BACH2: variants seen among roughly 807,000 people sequenced by gnomAD.
BACH2 encodes transcription regulator protein BACH2.
In BACH2, 5 loss-of-function variants were observed where a neutral mutation model predicts 61.8. The ratio of observed to expected loss-of-function variants is 0.08; its 90% CI spans 0.04 to 0.17. The LOEUF (loss-of-function observed/expected upper bound fraction) is 0.17, where lower values mean the gene tolerates loss of function less well. BACH2 is among the 10% of genes least tolerant of loss of function. The pLI, the probability that BACH2 is intolerant of heterozygous loss-of-function variation, is 1.00. For missense variants in BACH2, 824 were observed against 1,091.1 expected, an observed-to-expected ratio of 0.76 and a Z score of 3.45; for synonymous variants, 446 against 440.1, an observed-to-expected ratio of 1.01 and a Z score of -0.17.
chr6:90,003,700 G>A (rs1215767521), intron 6 of BACH2, among the ~76,000 whole-genome samples: 1 of 152,234 alleles, frequency 6.6e-6, no homozygotes, highest in East Asian at 1.9e-4. Flanking sequence ...AAGGTGCAGA[G>A]TGTGGTTTTC....
chr6:90,003,701 T>C (rs1283836908), intron 6 of BACH2, among the ~76,000 whole-genome samples: 1 of 152,046 alleles, frequency 6.6e-6, no homozygotes, highest in Admixed American at 6.5e-5. Flanking sequence ...AGGTGCAGAG[T>C]GTGGTTTTCC....
chr6:90,033,617 T>C (rs1234307479), intron 5 of BACH2, among the ~76,000 whole-genome samples: 2 of 152,150 alleles, frequency 1.3e-5, no homozygotes, highest in Non-Finnish European at 2.9e-5. Flanking sequence ...TAGCAAAGAA[T>C]TGATTAAATA....
chr6:90,075,089 G>C (rs950335392), intron 5 of BACH2, among the ~76,000 whole-genome samples: 2 of 152,172 alleles, frequency 1.3e-5, no homozygotes, highest in Non-Finnish European at 2.9e-5. Context: ...AGAAGTCACA[G>C]GTGTAATGTT....
At chr6:90,276,088 C>T (rs190081222) in intron 1 of BACH2, among the ~76,000 whole-genome samples, 1 of 152,234 alleles carries the variant, frequency 6.6e-6, no homozygotes, top group Non-Finnish European at 1.5e-5. Flanking sequence ...ACTTCACTAA[C>T]TTTATAAAGG....
At chr6:90,072,667 T>C (rs1781291202) in intron 5 of BACH2, among the ~76,000 whole-genome samples, 1 of 152,128 alleles carries the variant, frequency 6.6e-6, no homozygotes, top group African/African-American at 2.4e-5. Context: ...AAGTGCACAA[T>C]GACTCAAGGC....
intron 4 of BACH2, among the ~76,000 whole-genome samples, chr6:90,135,725 C>G (rs958455213): frequency 2.0e-5 from 3 of 152,130 alleles, no homozygotes; most frequent in Non-Finnish European, 4.4e-5. Context: ...TAAGAGCAGA[C>G]CCTACTATGA....
intron 4 of BACH2, among the ~76,000 whole-genome samples, chr6:90,195,930 A>G (rs944425280): frequency 1.3e-4 from 20 of 152,244 alleles, no homozygotes; most frequent in Non-Finnish European, 1.8e-4. Context: ...CATAATAGAA[A>G]GCATTTGCTG....
intron 4 of BACH2, among the ~76,000 whole-genome samples, chr6:90,158,107 T>C (rs1049776514): frequency 2.0e-5 from 3 of 151,696 alleles, no homozygotes; most frequent in African/African-American, 7.3e-5. Flanking sequence ...AGTGGCCAAG[T>C]AGAAGGATGG....
intron 4 of BACH2, among the ~76,000 whole-genome samples, chr6:90,158,550 A>G (rs1785071587): frequency 6.6e-6 from 1 of 152,108 alleles, no homozygotes; most frequent in African/African-American, 2.4e-5. Flanking sequence ...GACATCAGGA[A>G]GAGCGTGGCT....
chr6:90,100,498 A>G (rs180962448), intron 4 of BACH2, among the ~76,000 whole-genome samples: 182 of 152,216 alleles, frequency 1.2e-3, no homozygotes, highest in Middle Eastern at 6.8e-3. Flanking sequence ...AGGCCTTAAG[A>G]AAAAAGGCTG....
At chr6:90,280,131 A>C (rs1188282476) in intron 1 of BACH2, among the ~76,000 whole-genome samples, 1 of 152,212 alleles carries the variant, frequency 6.6e-6, no homozygotes. Context: ...AGAAGAAAAA[A>C]TATGCTAAAT....
chr6:89,950,666 G>A lies in BACH2; in HGVS notation c.1440C>T (p.Tyr480=), dbSNP rs1490888904. The A allele has an allele frequency of 1.9e-6, 3 of 1,614,216 alleles. No homozygotes were observed. Among genetic ancestry groups the A allele is most frequent in the Non-Finnish European group, 2.5e-6 (3 of 1,180,042 alleles). ...AGQSLPSSQA[Y]SHGGLMADHL... The stretch of plus-strand genomic sequence containing the variant: ...GGTCGGCCATCAGCCCACCGTGGGA[G>A]TAGGCCTGCGAGCTGGGGAGGGACT... Residue 480 remains tyrosine, a synonymous_variant, in exon 7 of 9, where the codon TAC becomes TAT. Coordinates refer to ENST00000257749, the MANE Select transcript of BACH2 (RefSeq NM_021813.4). This position sits in a 1 kb window ranked among gnomAD's most constrained non-coding sequence, Gnocchi z 5.3.
intron 5 of BACH2, among the ~76,000 whole-genome samples, chr6:90,012,431 A>G (rs1166572471): frequency 1.3e-5 from 2 of 151,700 alleles, no homozygotes; most frequent in Non-Finnish European, 2.9e-5. Flanking sequence ...GGAGTGTGAG[A>G]CCAGCCTGGC....
chr6:90,238,757 A>G (rs62408222), intron 3 of BACH2, among the ~76,000 whole-genome samples: 39,061 of 152,062 alleles, frequency 0.26, 5,715 homozygotes, highest in Non-Finnish European at 0.34. Flanking sequence ...TAATCAGACT[A>G]ATTCTTCAAT....
At chr6:89,974,356 A>C (rs2128361685) in intron 6 of BACH2, among the ~76,000 whole-genome samples, 1 of 152,352 alleles carries the variant, frequency 6.6e-6, no homozygotes, top group South Asian at 2.1e-4. Flanking sequence ...TGCACAGGGC[A>C]GTGCCTGGCA....
intron 2 of BACH2, among the ~76,000 whole-genome samples, chr6:90,269,195 T>C (rs1218358972): frequency 6.6e-6 from 1 of 152,104 alleles, no homozygotes; most frequent in Non-Finnish European, 1.5e-5. Context: ...GTCTGACTAC[T>C]CCGTGCAGAT....
At chr6:90,280,503 A>C (rs1771826547) in intron 1 of BACH2, among the ~76,000 whole-genome samples, 1 of 152,204 alleles carries the variant, frequency 6.6e-6, no homozygotes. Context: ...ATGAACTGAT[A>C]ATTTTCAGTT....
chr6:89,953,002 C>T (rs1315647184), intron 6 of BACH2: 1 of 152,194 alleles, frequency 6.6e-6, no homozygotes, highest in Non-Finnish European at 1.5e-5. Flanking sequence ...GTCTACAAAT[C>T]CTGTACAAAT....
rs187164707 is a variant in BACH2 at position 90,296,652 on chromosome 6, G to A, written c.-618C>T. The A allele has an allele frequency of 5.8e-3, 893 of 153,070 alleles. 4 individuals are homozygous for A. The highest frequency in any genetic ancestry group is 0.02 in the Middle Eastern group (6 of 296). 9.5% of individuals were successfully genotyped at this position (153,070 alleles called of 1,614,324 possible). A position where few individuals can be genotyped will look rare whatever the true frequency, so the allele number is the denominator to read the frequency against. On this transcript the variant is annotated 5_prime_UTR_variant, in exon 1 of 9. Coordinates refer to ENST00000257749, the MANE Select transcript of BACH2 (RefSeq NM_021813.4). ...CAGCCCCCCGAGTGCGCCGGGAAGG[G>A]GGAGGGGAAGGGGCGAGGGGAGGCC...
Sources: gnomAD v4.1 joint callset for allele counts (sites outside exome capture counted in the v4.1 genomes callset) on GRCh38, gnomAD v4.1.1 for gene constraint, Gnocchi (gnomAD v3.1) non-coding constraint, MANE v1.5 for transcripts, NCBI Gene and HGNC (gene_info 2026-07-23, HGNC 2026-07-21) for gene names.